Variants in ROBO2 observed in about 807,000 individuals in gnomAD.
The protein encoded by ROBO2 is roundabout guidance receptor 2.
ROBO2 carries 53 observed loss-of-function variants against 160.8 expected under a neutral mutation model. That is an observed-to-expected ratio of 0.33 (90% CI 0.26 to 0.41). The LOEUF (loss-of-function observed/expected upper bound fraction) is 0.41, where lower values mean the gene tolerates loss of function less well. ROBO2 is among the 10% of genes least tolerant of loss of function. The pLI is 1.00. For synonymous variants in ROBO2, 664 were observed against 611.7 expected (o/e 1.09, Z -1.26); for missense variants, 1,577 against 1,722.4 (o/e 0.92, Z 1.49).
intron 2 of ROBO2, among the ~76,000 whole-genome samples, chr3:77,324,069 A>G (rs926365740): frequency 1.3e-5 from 2 of 152,164 alleles, no homozygotes; most frequent in Non-Finnish European, 2.9e-5. Context: ...AGGGTCTCCC[A>G]ATTTGCTGCT....
intron 2 of ROBO2, among the ~76,000 whole-genome samples, chr3:76,065,995 T>TTC (rs2068242391): frequency 6.6e-6 from 1 of 151,414 alleles, no homozygotes; most frequent in Admixed American, 6.6e-5. Context: ...TTAGGATTGT[T>TTC]TTCTTTTGCT....
At chr3:76,848,133 T>A (rs2068954441) in intron 2 of ROBO2, among the ~76,000 whole-genome samples, 1 of 152,184 alleles carries the variant, frequency 6.6e-6, no homozygotes, top group Non-Finnish European at 1.5e-5. Context: ...TAAGAACAAT[T>A]GTTTCATCTG....
chr3:77,463,737 C>T (rs531880479), intron 2 of ROBO2, among the ~76,000 whole-genome samples: 5 of 151,994 alleles, frequency 3.3e-5, no homozygotes, highest in African/African-American at 4.8e-5. Flanking sequence ...CACACCATTA[C>T]GCCTGGCTAA....
intron 2 of ROBO2, among the ~76,000 whole-genome samples, chr3:76,290,764 G>A (rs928769247): frequency 4.6e-5 from 7 of 151,934 alleles, no homozygotes; most frequent in South Asian, 2.1e-4. Context: ...ACTTTTCTGC[G>A]TTTATTGAGA....
At chr3:76,413,341 T>C (rs910533082) in intron 2 of ROBO2, among the ~76,000 whole-genome samples, 12 of 152,246 alleles carry the variant, frequency 7.9e-5, no homozygotes, top group African/African-American at 2.4e-4. Flanking sequence ...CTGCTACTTA[T>C]GCAAATTTCT....
intron 2 of ROBO2, among the ~76,000 whole-genome samples, chr3:76,279,151 T>C (rs1488953494): frequency 6.6e-6 from 1 of 151,296 alleles, no homozygotes; most frequent in Non-Finnish European, 1.5e-5. Context: ...TATATATGCA[T>C]GTGGTGTGTG....
chr3:76,930,183 A>C (rs1189500297), intron 2 of ROBO2, among the ~76,000 whole-genome samples: 1 of 151,930 alleles, frequency 6.6e-6, no homozygotes, highest in Non-Finnish European at 1.5e-5. Flanking sequence ...GCCCCCACGC[A>C]GGACTAATTT....
rs569892384 is a variant in ROBO2, at chr3:76,502,182, G to A, written c.109+564580G>A. ...TGCAGAGACAGCCCAGAATCATGAA[G>A]GTGGAAATAAAGATGATTTTCTTCT... On this transcript the variant is annotated intron_variant, in intron 2 of 26. Coordinates refer to the ROBO2 transcript ENST00000487694. 6.6e-5 allele frequency among the ~76,000 whole-genome samples: 10 copies of A among 152,230 alleles called. No homozygotes were observed. The East Asian group carries it at 1.9e-3, about 29-fold the overall frequency.
rs1052530457 is a variant in ROBO2 at position 77,607,266 on chromosome 3, G to A, written c.3137-532G>A. Among the ~76,000 whole-genome samples the A allele has an allele frequency of 6.6e-5, 10 of 152,104 alleles. No individual in the cohort carries two copies. The East Asian group carries it at 1.7e-3, about 26-fold the overall frequency. ...TAAAAAGTCTATAAAACGTATCTTC[G>A]CAAAATATTTACAGGTATTTTCCTG... On this transcript the variant is annotated intron_variant, in intron 20 of 25. Coordinates refer to ENST00000461745, the Ensembl canonical transcript of ROBO2.
intron 5 of ROBO2, among the ~76,000 whole-genome samples, chr3:77,496,515 C>T (rs1004763570): frequency 6.6e-6 from 1 of 152,136 alleles, no homozygotes; most frequent in Admixed American, 6.6e-5. Context: ...GATTCTATTA[C>T]ATTATTTAGG....
At chr3:76,848,199 A>G (rs1272935338) in intron 2 of ROBO2, among the ~76,000 whole-genome samples, 1 of 152,174 alleles carries the variant, frequency 6.6e-6, no homozygotes, top group Non-Finnish European at 1.5e-5. Context: ...TATATTGCAT[A>G]GGTGAAGTAC....
At chr3:77,415,915 A>G (rs955357972) in intron 2 of ROBO2, among the ~76,000 whole-genome samples, 8 of 152,188 alleles carry the variant, frequency 5.3e-5, no homozygotes, top group African/African-American at 1.9e-4. Flanking sequence ...CCTGCAGCCC[A>G]TAGCTCAGCA....
chr3:76,873,337 T>C (rs1396488298), intron 2 of ROBO2, among the ~76,000 whole-genome samples: 2 of 152,206 alleles, frequency 1.3e-5, no homozygotes, highest in Admixed American at 6.5e-5. Flanking sequence ...AAATCTAGCA[T>C]CCAGAATCTA....
chr3:77,503,422 G>A (rs1445408497), intron 5 of ROBO2, among the ~76,000 whole-genome samples: 1 of 151,218 alleles, frequency 6.6e-6, no homozygotes, highest in African/African-American at 2.4e-5. Flanking sequence ...TACTCGGGAG[G>A]CTGAGGCAGG....
chr3:76,634,449 T>A (rs1319812289), intron 2 of ROBO2, among the ~76,000 whole-genome samples: 2 of 151,898 alleles, frequency 1.3e-5, no homozygotes, highest in African/African-American at 2.4e-5. Flanking sequence ...GTACCTGTAA[T>A]CCCAGCTACT....
intron 2 of ROBO2, among the ~76,000 whole-genome samples, chr3:76,051,387 C>G (rs1218511780): frequency 6.6e-6 from 1 of 152,140 alleles, no homozygotes; most frequent in Admixed American, 6.5e-5. Context: ...TAACATCCTA[C>G]TTTTTGTAGA....
chr3:77,121,470 A>G (rs1430512881), intron 2 of ROBO2, among the ~76,000 whole-genome samples: 6 of 152,154 alleles, frequency 3.9e-5, no homozygotes, highest in Admixed American at 3.9e-4. Flanking sequence ...GGAATGGGGA[A>G]ATACAATTGG....
intron 2 of ROBO2, among the ~76,000 whole-genome samples, chr3:76,471,051 A>G (rs933182162): frequency 6.6e-6 from 1 of 151,548 alleles, no homozygotes; most frequent in Non-Finnish European, 1.5e-5. Context: ...TCTTTACAAT[A>G]TAAATGTAGA....
At chr3:77,036,807 T>C (rs901404332), upstream of ROBO2, among the ~76,000 whole-genome samples, 1 of 151,968 alleles carries the variant, frequency 6.6e-6, no homozygotes, top group African/African-American at 2.4e-5. Flanking sequence ...GTGGTGGTCA[T>C]GGGGCTTCAT....
Sources: allele counts gnomAD v4.1 joint callset (sites outside exome capture counted in the v4.1 genomes callset), GRCh38; gene constraint gnomAD v4.1.1; transcripts MANE v1.5; gene names NCBI Gene and HGNC (gene_info 2026-07-23, HGNC 2026-07-21).